PRDM12: variants seen among roughly 807,000 people sequenced by gnomAD.
PRDM12 encodes PR domain zinc finger protein 12.
Under a neutral mutation model 29.6 loss-of-function variants are expected in PRDM12, and 17 were observed. That is an observed-to-expected ratio of 0.57 (90% CI 0.39 to 0.86). The LOEUF (loss-of-function observed/expected upper bound fraction) is 0.86. Ranked by LOEUF, PRDM12 falls within the 40% of genes least tolerant of loss-of-function variation. The pLI, the probability that PRDM12 is intolerant of heterozygous loss-of-function variation, is 0.00. For synonymous variants in PRDM12, 231 were observed against 225.8 expected (o/e 1.02, Z -0.21); for missense variants, 422 against 510.8 (o/e 0.83, Z 1.68).
intron 3 of PRDM12, among the ~76,000 whole-genome samples, chr9:130,674,010 C>CTTTTT (rs35863613): frequency 1.1e-3 from 82 of 71,864 alleles, no homozygotes; most frequent in Non-Finnish European, 1.5e-3. Context: ...TTCTTTCTTT[C>CTTTTT]TTTTTTTTTT....
chr9:130,666,540 C>T, intron 1 of PRDM12, 68 bp from the exon 2 acceptor site: 1 of 1,555,412 alleles, frequency 6.4e-7, no homozygotes, highest in Non-Finnish European at 8.7e-7. Flanking sequence ...GGGGTCCCGG[C>T]GGGGAAGGAA....
At chr9:130,666,945 AAGCCGCCCG>A (rs1830739539) in intron 2 of PRDM12, 147 bp downstream of exon 2, 2 of 1,136,676 alleles carry the variant, frequency 1.8e-6, no homozygotes, top group African/African-American at 3.3e-5. Context: ...CCGGGACTCT[AAGCCGCCCG>A]AGCCTGGAGC....
intron 3 of PRDM12, among the ~76,000 whole-genome samples, chr9:130,677,650 C>T (rs952596131): frequency 6.6e-6 from 1 of 152,220 alleles, no homozygotes; most frequent in African/African-American, 2.4e-5. Context: ...TGGAGCTTCC[C>T]CACTTGGGAG....
At chr9:130,666,835 G>A (rs773460065) in intron 2 of PRDM12, 37 bp downstream of exon 2, 5 of 1,550,256 alleles carry the variant, frequency 3.2e-6, no homozygotes, top group Non-Finnish European at 4.4e-6. Flanking sequence ...GCAAGGGCCG[G>A]CGAGGGGCGC....
In PRDM12 at chr9:130,664,823, C is replaced by T; in HGVS notation, c.170C>T (p.Ala57Val). The change falls in exon 1 of 5, where the codon GCC becomes GTC. Residue 57 changes from alanine to valine, a missense_variant. By Grantham distance (64) the Ala-to-Val change is moderately conservative. Around this residue, in one of 5 missense-constraint regions of PRDM12, gnomAD observed 300 missense variants for 350.0 expected, o/e 0.86. Coordinates refer to ENST00000253008, the MANE Select transcript of PRDM12 (RefSeq NM_021619.3). This position sits in a 1 kb window ranked among gnomAD's most constrained non-coding sequence, Gnocchi z 6.4. ...CTCTTCGAGGACAAGAGCCACCACGCCAGCCCCAAGACAGCCTTCACCGCC... is the reference window on the plus strand; with the variant it reads ...CTCTTCGAGGACAAGAGCCACCACGTCAGCCCCAAGACAGCCTTCACCGCC... Reference protein sequence around the residue: ...EQLFEDKSHHASPKTAFTAEV... With the variant: ...EQLFEDKSHHVSPKTAFTAEV... The T allele has an allele frequency of 6.4e-7, 1 of 1,560,608 alleles. No homozygotes were observed.
chr9:130,667,647 A>G (rs1384129206), intron 2 of PRDM12, among the ~76,000 whole-genome samples: 3 of 151,956 alleles, frequency 2.0e-5, no homozygotes, highest in Non-Finnish European at 4.4e-5. Context: ...CACCTTCTCC[A>G]GTTGCTGGGT....
intron 1 of PRDM12, among the ~76,000 whole-genome samples, chr9:130,665,737 C>A (rs1262760295): frequency 7.9e-5 from 12 of 152,192 alleles, no homozygotes; most frequent in Admixed American, 7.9e-4. Context: ...ACAAATTGCC[C>A]GCCGCGCCGC....
chr9:130,664,669 C>CT lies in PRDM12; in HGVS notation c.17dup (p.Ala8GlyfsTer2). 6.3e-7 allele frequency: 1 copy of CT among 1,595,448 alleles called. No homozygotes were observed. Among genetic ancestry groups the CT allele is most frequent in the Non-Finnish European group, 8.5e-7 (1 of 1,174,596 alleles). ...CGGGCCGCCCATGATGGGCTCCGTG[C>CT]TCCCGGCTGAGGCCCTGGTGCTCAA... On this transcript the variant is annotated frameshift_variant, in exon 1 of 5. Transcript: ENST00000253008. LOFTEE classifies it high-confidence loss of function. The surrounding 1 kb of genome is among the most constrained non-coding windows in gnomAD (Gnocchi z 6.4).
At position 130,665,014 on chromosome 9, in the gene PRDM12, G is replaced by A. The variant is rs1830718500; in HGVS notation, c.223+138G>A. 4.9e-5 allele frequency: 44 copies of A among 889,794 alleles called. No homozygotes were observed. The South Asian group carries it at 7.6e-4, about 15-fold the overall frequency. The allele number at this position is 889,794 out of a possible 1,614,324, so 55.1% of individuals were successfully genotyped here. On this transcript the variant is annotated intron_variant, in intron 1 of 4. Coordinates refer to ENST00000253008, the MANE Select transcript of PRDM12 (RefSeq NM_021619.3). ...AACCTGGGCTCTCCCGGCGCTCGGT[G>A]CACCTCAGTTTCCCCATGGGCCAAA...
intron 4 of PRDM12, among the ~76,000 whole-genome samples, chr9:130,679,573 T>A (rs1315796264): frequency 6.6e-6 from 1 of 152,190 alleles, no homozygotes; most frequent in Admixed American, 6.5e-5. Flanking sequence ...CCTCAAGCGA[T>A]CTGCCCACTT....
At chr9:130,674,105 C>T (rs914386278) in intron 3 of PRDM12, among the ~76,000 whole-genome samples, 2 of 149,568 alleles carry the variant, frequency 1.3e-5, no homozygotes, top group Non-Finnish European at 3.0e-5. Flanking sequence ...ACCTCTGCCT[C>T]CCAGGTTCAA....
chr9:130,678,503 ACCT>A, intron 3 of PRDM12, 23 bp from the exon 4 acceptor site: 1 of 1,561,116 alleles, frequency 6.4e-7, no homozygotes, highest in Non-Finnish European at 8.8e-7. Flanking sequence ...GGCCTCCCTG[ACCT>A]CCTCTTGCCT....
At position 130,681,374 on chromosome 9, in the gene PRDM12, C is replaced by T; in HGVS notation, c.809C>T (p.Pro270Leu). The T allele has an allele frequency of 6.3e-7, 1 of 1,593,428 alleles. No individual in the cohort carries two copies. Among genetic ancestry groups the T allele is most frequent in the Non-Finnish European group, 8.5e-7 (1 of 1,171,684 alleles). ...SHMRIHTLDK[P>L]FVCRFCNRRF... ...ATGCGCATCCACACGCTGGACAAGC[C>T]CTTCGTGTGCCGCTTCTGCAACCGC... is the stretch of plus-strand genomic sequence containing the variant. The change falls in exon 5 of 5, where the codon CCC (proline) becomes CTC (leucine). Residue 270 changes from proline (P) to leucine (L), a missense_variant. By Grantham distance (98) the Pro-to-Leu change is moderately conservative. Around this residue, in one of 5 missense-constraint regions of PRDM12, gnomAD observed 28 missense variants for 18.3 expected, o/e 1.53. Coordinates refer to ENST00000253008, the MANE Select transcript of PRDM12 (RefSeq NM_021619.3). This position sits in a 1 kb window ranked among gnomAD's most constrained non-coding sequence, Gnocchi z 8.1.
At chr9:130,672,023 C>G (rs540158226) in intron 3 of PRDM12, among the ~76,000 whole-genome samples, 2 of 152,274 alleles carry the variant, frequency 1.3e-5, no homozygotes, top group East Asian at 3.9e-4. Flanking sequence ...GTGGAGGTTC[C>G]GCAGCAGGGC....
chr9:130,681,703 C>A lies in PRDM12; in HGVS notation c.*34C>A. The stretch of plus-strand genomic sequence containing the variant: ...GCGCCCCCGCCGGGCCCCGCGCGCT[C>A]CTGGGTCCCCGGCACCCCGGCCCCG... On this transcript the variant is annotated 3_prime_UTR_variant, in exon 5 of 5. Coordinates refer to ENST00000253008, the MANE Select transcript of PRDM12 (RefSeq NM_021619.3). The surrounding 1 kb of genome is among the most constrained non-coding windows in gnomAD (Gnocchi z 8.1). 1.0e-6 allele frequency: 1 copy of A among 980,058 alleles called. No homozygotes were observed. Among genetic ancestry groups the A allele is most frequent in the South Asian group, 4.5e-5 (1 of 21,990 alleles). 60.7% of individuals were successfully genotyped at this position (980,058 alleles called of 1,614,324 possible).
intron 4 of PRDM12, among the ~76,000 whole-genome samples, chr9:130,680,659 A>ATTTTTT (rs767033169): frequency 2.1e-3 from 152 of 72,114 alleles, no homozygotes; most frequent in African/African-American, 9.7e-3. Context: ...ATATATATAT[A>ATTTTTT]TTTTTTTTTT....
intron 4 of PRDM12, among the ~76,000 whole-genome samples, chr9:130,680,067 T>A (rs1396860645): frequency 6.6e-6 from 1 of 152,004 alleles, no homozygotes; most frequent in African/African-American, 2.4e-5. Context: ...CCGGGCATGG[T>A]GGCTTATGCC....
chr9:130,666,266 C>T lies in PRDM12; in HGVS notation c.224-342C>T, dbSNP rs974706676. On this transcript the variant is annotated intron_variant, in intron 1 of 4. Coordinates refer to ENST00000253008, the MANE Select transcript of PRDM12 (RefSeq NM_021619.3). ...CCCTGTGCATAAAACCGCTCGCTGC[C>T]GTTGGCTCATTAATTCTTAAACTTA... Among the ~76,000 whole-genome samples the T allele has an allele frequency of 1.1e-4, 16 of 152,332 alleles. No individual in the cohort carries two copies. In the East Asian group the frequency reaches 3.1e-3, roughly 29 times the overall value.
chr9:130,673,298 G>A (rs1001429154), intron 3 of PRDM12, among the ~76,000 whole-genome samples: 1 of 152,180 alleles, frequency 6.6e-6, no homozygotes, highest in African/African-American at 2.4e-5. Context: ...AGGGTTCCAG[G>A]GAAGAAGCTG....
Sources: allele counts gnomAD v4.1 joint callset (sites outside exome capture counted in the v4.1 genomes callset), GRCh38; gene constraint gnomAD v4.1.1; regional missense constraint gnomAD v4.1.1; non-coding constraint Gnocchi (gnomAD v3.1); transcripts MANE v1.5; gene names NCBI Gene and HGNC (gene_info 2026-07-23, HGNC 2026-07-21).